UST: variants seen among roughly 807,000 people sequenced by gnomAD.
UST encodes uronyl 2-sulfotransferase.
In UST, 21 loss-of-function variants were observed where a neutral mutation model predicts 45.6. The ratio of observed to expected loss-of-function variants is 0.46; its 90% CI spans 0.33 to 0.66. The LOEUF is 0.66. Ranked by LOEUF, UST falls within the 30% of genes least tolerant of loss-of-function variation. The probability of loss-of-function intolerance (pLI) is 0.02; values close to 1 mark genes in which losing one functional copy is unlikely to be tolerated. For synonymous variants in UST, 215 were observed against 200.6 expected, an observed-to-expected ratio of 1.07 and a Z score of -0.61; for missense variants, 463 against 512.4, an observed-to-expected ratio of 0.90 and a Z score of 0.93.
chr6:148,783,436 C>T (rs1386939102), intron 1 of UST, among the ~76,000 whole-genome samples: 1 of 152,158 alleles, frequency 6.6e-6, no homozygotes, highest in African/African-American at 2.4e-5. Context: ...ACTAACAGAG[C>T]TCAAGTTTTA....
intron 2 of UST, among the ~76,000 whole-genome samples, chr6:148,903,544 CAT>C (rs1483056298): frequency 6.6e-6 from 1 of 152,112 alleles, no homozygotes; most frequent in African/African-American, 2.4e-5. Flanking sequence ...CACTCAGGAA[CAT>C]GTGCTGAATT....
At chr6:149,056,117 CTTTTTTTTTT>C (rs34191810) in intron 7 of UST, among the ~76,000 whole-genome samples, 1,256 of 81,134 alleles carry the variant, frequency 0.015, 7 homozygotes, top group Middle Eastern at 0.07. Context: ...CTTTTCTTTT[CTTTTTTTTTT>C]TTTTTTTTTT....
At chr6:148,904,227 C>T (rs1279608114) in intron 2 of UST, among the ~76,000 whole-genome samples, 3 of 152,128 alleles carry the variant, frequency 2.0e-5, no homozygotes, top group Admixed American at 2.0e-4. Context: ...AATTGAAGGA[C>T]ATCTTGTTTC....
At chr6:149,029,662 C>A (rs893834660) in intron 7 of UST, among the ~76,000 whole-genome samples, 1 of 151,802 alleles carries the variant, frequency 6.6e-6, no homozygotes, top group African/African-American at 2.4e-5. Context: ...TCTGGAAACT[C>A]CCAAGTATAC....
chr6:148,803,659 A>G (rs1777093542), intron 1 of UST, among the ~76,000 whole-genome samples: 1 of 152,176 alleles, frequency 6.6e-6, no homozygotes, highest in African/African-American at 2.4e-5. Context: ...CCCAGCCCCC[A>G]CAACTCTCCC....
chr6:148,876,450 A>T (rs1482899604), intron 1 of UST, among the ~76,000 whole-genome samples: 1 of 152,188 alleles, frequency 6.6e-6, no homozygotes, highest in African/African-American at 2.4e-5. Context: ...GCCATTAAAC[A>T]TCAAGAAAAT....
chr6:149,074,118 G>A lies in UST; in HGVS notation c.*2G>A. 8.7e-6 allele frequency: 14 copies of A among 1,613,456 alleles called. No homozygotes were observed. Among genetic ancestry groups the A allele is most frequent in the Non-Finnish European group, 1.2e-5 (14 of 1,179,422 alleles). On this transcript the variant is annotated 3_prime_UTR_variant, in exon 8 of 8. Transcript: ENST00000367463. Reference sequence around the variant, plus strand: ...CTGGAAGATATTTATAAGAGGTGATGTGACTGTGTTGCCTCTATGGCTTTA... The same window carrying A: ...CTGGAAGATATTTATAAGAGGTGATATGACTGTGTTGCCTCTATGGCTTTA...
At chr6:148,947,929 A>G (rs1562309179) in intron 3 of UST, among the ~76,000 whole-genome samples, 1 of 151,994 alleles carries the variant, frequency 6.6e-6, no homozygotes, top group Non-Finnish European at 1.5e-5. Flanking sequence ...GTGGAAAAAA[A>G]AAAAAGAAAA....
intron 3 of UST, 34 bp from the exon 4 acceptor site, chr6:148,953,838 T>C (rs773695102): frequency 7.8e-7 from 1 of 1,287,816 alleles, no homozygotes; most frequent in Non-Finnish European, 1.1e-6. Flanking sequence ...GTAAATTAGA[T>C]CCTATATATG....
At chr6:148,896,919 T>G (rs531870370) in intron 2 of UST, among the ~76,000 whole-genome samples, 1 of 152,258 alleles carries the variant, frequency 6.6e-6, no homozygotes, top group South Asian at 2.1e-4. Context: ...AGTTTTCTAT[T>G]TCTAAAAGAG....
rs146566869 is a variant in UST at position 149,000,223 on chromosome 6, A to C, written c.682-18916A>C. On this transcript the variant is annotated intron_variant, in intron 5 of 7. Transcript: ENST00000367463. ...AACTGCTCATCTTCTGCCTGGAACT[A>C]TGCCCTTATAAGAGGCTAGAGATAT... is the stretch of plus-strand genomic sequence containing the variant. 1.9e-3 allele frequency among the ~76,000 whole-genome samples: 284 copies of C among 152,352 alleles called. 1 individual carries two copies. Among genetic ancestry groups the C allele is most frequent in the African/African-American group, 6.5e-3 (269 of 41,584 alleles).
chr6:148,794,532 A>G (rs768565063), intron 1 of UST, among the ~76,000 whole-genome samples: 2 of 152,236 alleles, frequency 1.3e-5, no homozygotes, highest in Non-Finnish European at 2.9e-5. Flanking sequence ...TGATGATCTT[A>G]TAAGACAACC....
rs189476969 is a variant in UST at position 148,905,713 on chromosome 6, C to T, written c.291+18684C>T. 1.7e-4 allele frequency among the ~76,000 whole-genome samples: 26 copies of T among 152,300 alleles called. No individual in the cohort carries two copies. The East Asian group carries it at 4.2e-3, about 25-fold the overall frequency. ...AAAAACCTTTGTGCCATCCTTTGAG[C>T]GTATCATTTCCTACCACCAGAGCCT... On this transcript the variant is annotated intron_variant, in intron 2 of 7. Transcript: ENST00000367463.
intron 7 of UST, among the ~76,000 whole-genome samples, chr6:149,069,509 A>G (rs1390763865): frequency 2.0e-5 from 3 of 152,176 alleles, no homozygotes; most frequent in Non-Finnish European, 4.4e-5. Flanking sequence ...GAGTTTTTTC[A>G]TATACCTCTT....
chr6:148,788,318 A>C (rs544696059), intron 1 of UST, among the ~76,000 whole-genome samples: 418 of 152,270 alleles, frequency 2.7e-3, no homozygotes, highest in Middle Eastern at 6.8e-3. Context: ...GACACAGCCA[A>C]ACCATATCAT....
intron 1 of UST, among the ~76,000 whole-genome samples, chr6:148,803,215 A>G (rs568854557): frequency 6.6e-6 from 1 of 152,266 alleles, no homozygotes; most frequent in Admixed American, 6.5e-5. Context: ...AATCAAGAGT[A>G]ATTCTCCTTC....
intron 2 of UST, among the ~76,000 whole-genome samples, chr6:148,905,764 T>A (rs1305388790): frequency 2.0e-5 from 3 of 152,200 alleles, no homozygotes; most frequent in Non-Finnish European, 4.4e-5. Flanking sequence ...GAATATATGA[T>A]CTTAAGACTT....
At chr6:149,015,129 C>T (rs1775877753) in intron 5 of UST, among the ~76,000 whole-genome samples, 1 of 152,018 alleles carries the variant, frequency 6.6e-6, no homozygotes, top group South Asian at 2.1e-4. Flanking sequence ...CCTTTAGACT[C>T]AAAAGATGAG....
chr6:148,790,008 T>C lies in UST; in HGVS notation c.247+42331T>C, dbSNP rs78063448. Among the ~76,000 whole-genome samples, 75 of 143,244 alleles carry C rather than the reference T, an allele frequency of 5.2e-4. No individual in the cohort carries two copies. Among genetic ancestry groups the C allele is most frequent in the African/African-American group, 1.6e-3 (60 of 38,000 alleles). 94.0% of individuals were successfully genotyped at this position (143,244 alleles called of 152,430 possible). On this transcript the variant is annotated intron_variant, in intron 1 of 7. Transcript: ENST00000367463. This position sits in a 1 kb window ranked among gnomAD's most constrained non-coding sequence, Gnocchi z 4.2. ...AGGATTCTTTTTTTTTTTTTTTTTT[T>C]CCAGCTTTAAGTGCCTATCCTTTTT...
Sources: allele counts gnomAD v4.1 joint callset (sites outside exome capture counted in the v4.1 genomes callset), GRCh38; gene constraint gnomAD v4.1.1; non-coding constraint Gnocchi (gnomAD v3.1); transcripts MANE v1.5; gene names NCBI Gene and HGNC (gene_info 2026-07-23, HGNC 2026-07-21).